Variants in ATP10B observed in about 807,000 individuals in gnomAD.
The protein encoded by ATP10B is phospholipid-transporting ATPase VB.
A neutral mutation model predicts 141.2 loss-of-function variants in ATP10B; 122 were observed. The observed-to-expected ratio is 0.86, with a 90% CI of 0.75 to 1.00. The LOEUF (loss-of-function observed/expected upper bound fraction) is 1.00. ATP10B is among the 50% of genes least tolerant of loss of function. The pLI is 0.00. For synonymous variants in ATP10B, 685 were observed against 692.0 expected, an observed-to-expected ratio of 0.99 and a Z score of 0.16; for missense variants, 1,876 against 1,825.3, an observed-to-expected ratio of 1.03 and a Z score of -0.51.
intron 11 of ATP10B, among the ~76,000 whole-genome samples, chr5:160,634,951 C>A (rs940400520): frequency 6.6e-6 from 1 of 152,290 alleles, no homozygotes; most frequent in East Asian, 1.9e-4. Context: ...GGTATTCAGA[C>A]CTATTGTTAA....
intron 6 of ATP10B, among the ~76,000 whole-genome samples, chr5:160,677,847 G>T (rs1763130014): frequency 6.6e-6 from 1 of 152,196 alleles, no homozygotes; most frequent in South Asian, 2.1e-4. Context: ...TGGTCAATCA[G>T]TTCATCTTCT....
intron 2 of ATP10B, among the ~76,000 whole-genome samples, chr5:160,763,823 A>G (rs886547532): frequency 6.6e-6 from 1 of 152,120 alleles, no homozygotes; most frequent in Admixed American, 6.5e-5. Context: ...ATTTAACCAA[A>G]AAAAGAAGAG....
chr5:160,640,423 G>A (rs1374698835), intron 10 of ATP10B, 38 bp downstream of exon 10: 8 of 1,594,658 alleles, frequency 5.0e-6, no homozygotes, highest in East Asian at 4.5e-5. Context: ...CAAATAAATC[G>A]ATTACTGTGT....
chr5:160,718,771 A>G (rs1056901958), intron 2 of ATP10B, among the ~76,000 whole-genome samples: 2 of 152,062 alleles, frequency 1.3e-5, no homozygotes, highest in African/African-American at 4.8e-5. Flanking sequence ...GAGGGATCCG[A>G]CCCCATGGCC....
chr5:160,812,335 T>C (rs1221284124), intron 1 of ATP10B, among the ~76,000 whole-genome samples: 1 of 152,092 alleles, frequency 6.6e-6, no homozygotes, highest in Non-Finnish European at 1.5e-5. Flanking sequence ...AATAAATACT[T>C]AACTATTTAA....
At chr5:160,923,095 A>G in the ATP10B span, among the ~76,000 whole-genome samples, 1 of 152,252 alleles carries the variant, frequency 6.6e-6, no homozygotes, top group Non-Finnish European at 1.5e-5. Flanking sequence ...AGAAGAGAAA[A>G]TGAGCTGTGG....
At position 160,670,948 on chromosome 5, in the gene ATP10B, T is replaced by G. The variant is rs191830127; in HGVS notation, c.471-281A>C. ...TTGGGAGGCCGAGGTGGGTGGATCA[T>G]GAGGTCAGGAGTTCGAGACCAGCCT... is the stretch of plus-strand genomic sequence containing the variant. On this transcript the variant is annotated intron_variant, in intron 6 of 25. Transcript: ENST00000327245. 2.3e-3 allele frequency among the ~76,000 whole-genome samples: 351 copies of G among 151,928 alleles called. 1 individual carries two copies. Among genetic ancestry groups the G allele is most frequent in the African/African-American group, 8.2e-3 (340 of 41,468 alleles).
chr5:160,906,718 A>C, the ATP10B span, among the ~76,000 whole-genome samples: 5 of 152,316 alleles, frequency 3.3e-5, no homozygotes, highest in South Asian at 1.0e-3. Flanking sequence ...ATGAAACATA[A>C]CAGAGATCTG....
At chr5:160,788,218 T>TA (rs1771310188) in intron 1 of ATP10B, among the ~76,000 whole-genome samples, 1 of 152,188 alleles carries the variant, frequency 6.6e-6, no homozygotes, top group Admixed American at 6.6e-5. Context: ...GAAAATGTTC[T>TA]GAGCAAAAAG....
At chr5:160,714,504 T>G (rs1450130724) in intron 3 of ATP10B, among the ~76,000 whole-genome samples, 5 of 48,934 alleles carry the variant, frequency 1.0e-4, no homozygotes, top group African/African-American at 4.7e-4. Context: ...GTTATTCTAG[T>G]TATACATTCT....
chr5:160,599,405 G>T (rs753324161), intron 21 of ATP10B, among the ~76,000 whole-genome samples: 7 of 152,200 alleles, frequency 4.6e-5, no homozygotes, highest in Non-Finnish European at 1.0e-4. Context: ...AGGCAGAGAG[G>T]CCTGGTTTTG....
chr5:160,601,280 G>A (rs532859223), intron 21 of ATP10B, among the ~76,000 whole-genome samples: 8 of 152,296 alleles, frequency 5.3e-5, no homozygotes, highest in African/African-American at 1.9e-4. Flanking sequence ...GTCAGAGTCT[G>A]AAAGAAAGAC....
chr5:160,730,302 C>CA (rs756974674), intron 2 of ATP10B, among the ~76,000 whole-genome samples: 1 of 152,134 alleles, frequency 6.6e-6, no homozygotes, highest in Non-Finnish European at 1.5e-5. Context: ...TCTGTGTTCT[C>CA]AACTTTCATA....
chr5:160,589,797 GAGA>G (rs1756159659), intron 23 of ATP10B, 101 bp from the exon 24 acceptor site: 5 of 832,578 alleles, frequency 6.0e-6, no homozygotes, highest in Admixed American at 2.0e-5. Context: ...GTTGTCAATG[GAGA>G]AGGAGGTACC....
intron 3 of ATP10B, among the ~76,000 whole-genome samples, chr5:160,700,734 C>T (rs765227700): frequency 5.9e-5 from 9 of 152,176 alleles, no homozygotes; most frequent in East Asian, 1.9e-4. Flanking sequence ...AAAAGGTCTC[C>T]GTGTTTCAAA....
the ATP10B span, among the ~76,000 whole-genome samples, chr5:160,862,284 C>T: frequency 5.9e-5 from 9 of 151,846 alleles, no homozygotes; most frequent in Non-Finnish European, 1.3e-4. Context: ...CTGATTCAAT[C>T]GGTTAAAAGG....
rs770267845 is a variant in ATP10B at position 160,622,533 on chromosome 5, G to A, written c.1673C>T (p.Ala558Val). 24 of 1,613,866 alleles carry A rather than the reference G, an allele frequency of 1.5e-5. No individual in the cohort carries two copies. Among genetic ancestry groups the A allele is most frequent in the Admixed American group, 8.3e-5 (5 of 59,972 alleles). The change falls in exon 14 of 26, where the codon GCC (alanine) becomes GTC (valine). Residue 558 changes from alanine (A) to valine (V), a missense_variant. Transcript: ENST00000327245. ...GTCTGACAAGGTCTCCAACCACAGG[G>A]CAGCATCTCGAACCTTGGTCAGTAG... The part of the protein sequence containing the change: ...KNLLTKVRDA[A>V]LWLETLSDSR...
intron 22 of ATP10B, among the ~76,000 whole-genome samples, chr5:160,593,097 T>C (rs528645397): frequency 1.5e-4 from 23 of 152,354 alleles, no homozygotes; most frequent in Admixed American, 1.2e-3. Flanking sequence ...GATCTGAGAA[T>C]GGGCAGACTG....
chr5:160,612,986 C>T, intron 17 of ATP10B, 61 bp from the exon 18 acceptor site: 2 of 1,504,772 alleles, frequency 1.3e-6, no homozygotes, highest in African/African-American at 1.4e-5. Context: ...GCTTAATTCC[C>T]CCAAAGCCAT....
Sources: gnomAD v4.1 joint callset for allele counts (sites outside exome capture counted in the v4.1 genomes callset) on GRCh38, gnomAD v4.1.1 for gene constraint, MANE v1.5 for transcripts, NCBI Gene and HGNC (gene_info 2026-07-23, HGNC 2026-07-21) for gene names.